The following ARHGAP29 variants were observed in gnomAD, a reference collection of about 807,000 sequenced individuals.
The protein encoded by ARHGAP29 is rho GTPase-activating protein 29.
Under a neutral mutation model 122.6 loss-of-function variants are expected in ARHGAP29, and 43 were observed. That is an observed-to-expected ratio of 0.35 (90% confidence interval 0.27 to 0.45). The LOEUF (loss-of-function observed/expected upper bound fraction) is 0.45. Ranked by LOEUF, ARHGAP29 falls within the 20% of genes least tolerant of loss-of-function variation. The pLI, the probability that ARHGAP29 is intolerant of heterozygous loss-of-function variation, is 1.00. For missense variants in ARHGAP29, 1,303 were observed against 1,477.2 expected (o/e 0.88, Z 1.93); for synonymous variants, 506 against 497.1 (o/e 1.02, Z -0.24).
upstream of ARHGAP29, among the ~76,000 whole-genome samples, chr1:94,279,415 T>A (rs1570638711): frequency 6.6e-6 from 1 of 152,238 alleles, no homozygotes; most frequent in African/African-American, 2.4e-5. Context: ...CTATGAGGTT[T>A]CTTCCTGACT....
intron 19 of ARHGAP29, among the ~76,000 whole-genome samples, chr1:94,182,212 A>G (rs964544847): frequency 6.6e-6 from 1 of 152,112 alleles, no homozygotes; most frequent in Non-Finnish European, 1.5e-5. Flanking sequence ...CCAGGAATGA[A>G]ATAGTTAATA....
At chr1:94,305,420 C>T in the ARHGAP29 span, among the ~76,000 whole-genome samples, 1 of 152,110 alleles carries the variant, frequency 6.6e-6, no homozygotes, top group African/African-American at 2.4e-5. Context: ...GTGGTAGGAA[C>T]GCAAAGCACC....
At chr1:94,304,511 A>C in the ARHGAP29 span, among the ~76,000 whole-genome samples, 8 of 152,354 alleles carry the variant, frequency 5.3e-5, no homozygotes, top group African/African-American at 1.9e-4. Context: ...GAAGAGAGAC[A>C]GGTCATTTCC....
upstream of ARHGAP29, among the ~76,000 whole-genome samples, chr1:94,277,659 T>A (rs749851368): frequency 3.3e-5 from 5 of 152,188 alleles, no homozygotes; most frequent in Non-Finnish European, 7.3e-5. Context: ...ACCATTCTAT[T>A]TTAGCATATA....
chr1:94,231,599 T>C lies in ARHGAP29; in HGVS notation c.13A>G (p.Lys5Glu). Residue 5 changes from lysine to glutamate, a missense_variant, in exon 2 of 23, where the codon AAA (lysine) becomes GAA (glutamate). Transcript: ENST00000260526. MIAH[K>E]QKKTKKKRAW... The stretch of plus-strand genomic sequence containing the variant: ...CGTTTTTTCTTTGTCTTTTTCTGTT[T>C]GTGAGCAATCATCCTTTCATGTAAC... The C allele has an allele frequency of 6.2e-7, 1 of 1,613,186 alleles. No individual in the cohort carries two copies.
chr1:94,230,733 G>A (rs768357098), intron 2 of ARHGAP29, among the ~76,000 whole-genome samples: 31 of 151,776 alleles, frequency 2.0e-4, no homozygotes, highest in Non-Finnish European at 4.0e-4. Context: ...AAGAATAGGA[G>A]CTGTTTTTGT....
intron 1 of ARHGAP29, among the ~76,000 whole-genome samples, chr1:94,264,693 A>G (rs1654696086): frequency 6.6e-6 from 1 of 151,910 alleles, no homozygotes; most frequent in Non-Finnish European, 1.5e-5. Context: ...TCCACCTTCT[A>G]CTAGATAGAC....
chr1:94,229,452 G>A (rs1652801879), intron 2 of ARHGAP29, among the ~76,000 whole-genome samples: 1 of 151,448 alleles, frequency 6.6e-6, no homozygotes, highest in Non-Finnish European at 1.5e-5. Context: ...AAAACAAAAA[G>A]GTTCCATCAA....
the ARHGAP29 span, among the ~76,000 whole-genome samples, chr1:94,298,042 A>C: frequency 2.0e-5 from 3 of 152,204 alleles, no homozygotes; most frequent in African/African-American, 7.2e-5. Context: ...TAATGATAAA[A>C]AGAATTTTGC....
chr1:94,308,735 T>C, the ARHGAP29 span, among the ~76,000 whole-genome samples: 4 of 152,204 alleles, frequency 2.6e-5, no homozygotes, highest in Non-Finnish European at 5.9e-5. Flanking sequence ...TGTCTCCTCC[T>C]ACACCTTCTA....
At chr1:94,262,794 T>C (rs1255421063) in intron 1 of ARHGAP29, among the ~76,000 whole-genome samples, 1 of 152,182 alleles carries the variant, frequency 6.6e-6, no homozygotes, top group African/African-American at 2.4e-5. Context: ...CACTTGTACA[T>C]TGTTGGTGGG....
intron 6 of ARHGAP29, 82 bp from the exon 7 acceptor site, chr1:94,205,280 G>T (rs941591996): frequency 8.9e-7 from 1 of 1,123,244 alleles, no homozygotes; most frequent in South Asian, 2.9e-5. Flanking sequence ...GAGATCCTAA[G>T]ATACTAGTCA....
intron 1 of ARHGAP29, among the ~76,000 whole-genome samples, chr1:94,237,059 TAA>T (rs915670697): frequency 3.3e-5 from 5 of 152,130 alleles, no homozygotes; most frequent in African/African-American, 9.7e-5. Context: ...TTCTGAACAT[TAA>T]AAGAGTTAAA....
upstream of ARHGAP29, among the ~76,000 whole-genome samples, chr1:94,277,477 T>C (rs1318152806): frequency 6.6e-6 from 1 of 152,180 alleles, no homozygotes; most frequent in African/African-American, 2.4e-5. Context: ...TGCCTACTTT[T>C]ACCATTTTAA....
At chr1:94,230,552 T>C (rs1652860520) in intron 2 of ARHGAP29, among the ~76,000 whole-genome samples, 1 of 151,774 alleles carries the variant, frequency 6.6e-6, no homozygotes, top group Non-Finnish European at 1.5e-5. Flanking sequence ...TTTCAAAATG[T>C]CCATCAGAAA....
intron 3 of ARHGAP29, among the ~76,000 whole-genome samples, chr1:94,212,434 C>G (rs868583040): frequency 9.2e-5 from 14 of 152,068 alleles, no homozygotes; most frequent in South Asian, 6.2e-4. Context: ...CTCAATAAAG[C>G]TGTTTATAAA....
intron 3 of ARHGAP29, among the ~76,000 whole-genome samples, chr1:94,219,584 C>T (rs1570561024): frequency 2.0e-5 from 3 of 152,236 alleles, no homozygotes; most frequent in Admixed American, 2.0e-4. Flanking sequence ...CCTCATCTAG[C>T]CCATTATTCC....
the ARHGAP29 span, chr1:94,302,467 T>C: frequency 2.8e-6 from 1 of 358,584 alleles, no homozygotes; most frequent in East Asian, 8.1e-5. Context: ...CAGCAATGCC[T>C]CCTGCACCAC....
chr1:94,247,496 C>T (rs1570601035), intron 1 of ARHGAP29, among the ~76,000 whole-genome samples: 2 of 151,282 alleles, frequency 1.3e-5, no homozygotes. Flanking sequence ...AGCCGGCGCC[C>T]GCGCGGGCGA....
Sources: allele counts gnomAD v4.1 joint callset (sites outside exome capture counted in the v4.1 genomes callset), GRCh38; gene constraint gnomAD v4.1.1; transcripts MANE v1.5; gene names NCBI Gene and HGNC (gene_info 2026-07-23, HGNC 2026-07-21).